The following NDUFAF5 variants were observed in gnomAD, a reference collection of about 807,000 sequenced individuals.
NDUFAF5 encodes NADH:ubiquinone oxidoreductase complex assembly factor 5, also known as arginine-hydroxylase NDUFAF5, mitochondrial.
NDUFAF5 carries 34 observed loss-of-function variants against 48.9 expected under a neutral mutation model. That is an observed-to-expected ratio of 0.70 (90% CI 0.53 to 0.93). The LOEUF (loss-of-function observed/expected upper bound fraction) is 0.93. NDUFAF5 is among the 40% of genes least tolerant of loss of function. The pLI, the probability that NDUFAF5 is intolerant of heterozygous loss-of-function variation, is 0.00. For missense variants in NDUFAF5, 428 were observed against 427.5 expected (o/e 1.00, Z -0.01); for synonymous variants, 153 against 150.6 (o/e 1.02, Z -0.12).
chr20:13,804,246 C>T (rs1291078296), intron 7 of NDUFAF5, among the ~76,000 whole-genome samples: 2 of 152,052 alleles, frequency 1.3e-5, no homozygotes, highest in Non-Finnish European at 2.9e-5. Context: ...TCTAAAATAA[C>T]CCATCGTAGA....
intron 3 of NDUFAF5, among the ~76,000 whole-genome samples, chr20:13,789,254 T>A (rs1480359562): frequency 6.6e-6 from 1 of 151,804 alleles, no homozygotes; most frequent in African/African-American, 2.4e-5. Context: ...AACCTCTGCC[T>A]CCCGGGTTTG....
rs1986758280 is a variant in NDUFAF5 at position 13,818,506 on chromosome 20, C to T, written c.*1296C>T. On this transcript the variant is annotated 3_prime_UTR_variant, in exon 11 of 11. Transcript: ENST00000378106. Reference sequence around the variant, plus strand: ...AGAGAGAACAACAACAAAAAACAAACTGCGCTAGCCAGGTGCAATGGCGCA... The same window carrying T: ...AGAGAGAACAACAACAAAAAACAAATTGCGCTAGCCAGGTGCAATGGCGCA... The T allele has an allele frequency of 3.0e-6, 1 of 335,456 alleles. No individual in the cohort carries two copies. Among genetic ancestry groups the T allele is most frequent in the Non-Finnish European group, 5.7e-6 (1 of 175,176 alleles). 20.8% of individuals were successfully genotyped at this position (335,456 alleles called of 1,614,324 possible). A position where few individuals can be genotyped will look rare whatever the true frequency, so the allele number is the denominator to read the frequency against.
At chr20:13,800,415 G>T (rs1272864377) in intron 6 of NDUFAF5, among the ~76,000 whole-genome samples, 1 of 152,096 alleles carries the variant, frequency 6.6e-6, no homozygotes, top group Non-Finnish European at 1.5e-5. Flanking sequence ...ACTGTGATTT[G>T]GATTCTGGTT....
chr20:13,795,279 G>A lies in NDUFAF5; in HGVS notation c.479+338G>A, dbSNP rs138579723. On this transcript the variant is annotated intron_variant, in intron 5 of 10. Transcript: ENST00000378106. ...AGTTTGAAAGAGCATATTGGCTCCTGTATTCAAATGTTAGAGCAATTCCAA... is the reference window on the plus strand; with the variant it reads ...AGTTTGAAAGAGCATATTGGCTCCTATATTCAAATGTTAGAGCAATTCCAA... Among the ~76,000 whole-genome samples the A allele has an allele frequency of 3.3e-3, 508 of 152,212 alleles. 1 individual carries two copies. Among genetic ancestry groups the A allele is most frequent in the African/African-American group, 0.011 (473 of 41,532 alleles).
rs1986532540 is a variant in NDUFAF5, at chr20:13,816,912, A to G, written c.900A>G (p.Thr300=). The change falls in exon 10 of 11, where the codon ACA becomes ACG. Residue 300 remains threonine (T), a synonymous_variant. Transcript: ENST00000378106. ...YRNEDGSVPA[T]YQIYYMIGWK... is the part of the protein sequence containing the mutation. The stretch of plus-strand genomic sequence containing the variant: ...ATGAAGATGGTTCAGTACCTGCTAC[A>G]TACCAGATCTATTACATGATAGGAT... The G allele has an allele frequency of 1.2e-6, 2 of 1,610,234 alleles. No individual in the cohort carries two copies. The highest frequency in any genetic ancestry group is 1.1e-5 in the South Asian group (1 of 90,980).
intron 8 of NDUFAF5, chr20:13,814,343 T>A: frequency 2.7e-6 from 2 of 737,908 alleles, no homozygotes; most frequent in Non-Finnish European, 4.1e-6. Context: ...GTTTCTGGGA[T>A]TTTACATTTG....
chr20:13,785,541 G>A lies in NDUFAF5; in HGVS notation c.222+251G>A, dbSNP rs143170641. 8.2e-4 allele frequency among the ~76,000 whole-genome samples: 125 copies of A among 152,322 alleles called. 1 individual carries two copies. The highest frequency in any genetic ancestry group is 2.6e-3 in the African/African-American group (107 of 41,574). On this transcript the variant is annotated intron_variant, in intron 1 of 10. Transcript: ENST00000378106. ...AAAGGACCTTATAGAGGCCTCCAGTGAAGCTCCGGAGAGGGAGAGAGTGGG... is the reference window on the plus strand; with the variant it reads ...AAAGGACCTTATAGAGGCCTCCAGTAAAGCTCCGGAGAGGGAGAGAGTGGG...
chr20:13,817,240 A>G lies in NDUFAF5; in HGVS notation c.*30A>G, dbSNP rs759979228. 2 of 1,516,064 alleles carry G rather than the reference A, an allele frequency of 1.3e-6. No individual in the cohort carries two copies. Among genetic ancestry groups the G allele is most frequent in the Admixed American group, 3.3e-5 (2 of 59,874 alleles). 93.9% of individuals were successfully genotyped at this position (1,516,064 alleles called of 1,614,324 possible). A position where few individuals can be genotyped will look rare whatever the true frequency, so the allele number is the denominator to read the frequency against. On this transcript the variant is annotated 3_prime_UTR_variant, in exon 11 of 11. Transcript: ENST00000378106. Reference sequence around the variant, plus strand: ...TTATTCAGTGTTAATGTCGTCCAGAATTTTCATCAGAAATGGATAGCTTTA... The same window carrying G: ...TTATTCAGTGTTAATGTCGTCCAGAGTTTTCATCAGAAATGGATAGCTTTA...
At chr20:13,811,887 A>G (rs372823350) in intron 8 of NDUFAF5, among the ~76,000 whole-genome samples, 1 of 152,226 alleles carries the variant, frequency 6.6e-6, no homozygotes, top group African/African-American at 2.4e-5. Flanking sequence ...TGAATCCAGA[A>G]CTACACTTAC....
chr20:13,817,068 C>A, intron 10 of NDUFAF5, 50 bp from the exon 11 acceptor site: 1 of 1,570,690 alleles, frequency 6.4e-7, no homozygotes, highest in Non-Finnish European at 8.8e-7. Context: ...TTAATTGGGG[C>A]TGTGTATTAT....
intron 8 of NDUFAF5, 77 bp from the exon 9 acceptor site, chr20:13,816,386 A>G (rs909060960): frequency 2.1e-6 from 2 of 950,100 alleles, no homozygotes; most frequent in African/African-American, 3.2e-5. Context: ...GTTAGATGAG[A>G]CGGGATTAAG....
chr20:13,799,073 A>G (rs1353675565), intron 6 of NDUFAF5, among the ~76,000 whole-genome samples: 1 of 152,180 alleles, frequency 6.6e-6, no homozygotes, highest in Non-Finnish European at 1.5e-5. Flanking sequence ...AGGCAGAATC[A>G]CAGGATAGGT....
At chr20:13,811,345 T>C (rs6074643) in intron 8 of NDUFAF5, among the ~76,000 whole-genome samples, 124,220 of 152,194 alleles carry the variant, frequency 0.82, 51,359 homozygotes, top group African/African-American at 0.95. Flanking sequence ...CAAGTGATAA[T>C]GGTCTGGGAC....
At chr20:13,789,756 G>A (rs1018142751) in intron 3 of NDUFAF5, among the ~76,000 whole-genome samples, 11 of 152,310 alleles carry the variant, frequency 7.2e-5, no homozygotes, top group African/African-American at 1.4e-4. Flanking sequence ...GATTACAGGC[G>A]TGAGCCACCA....
intron 3 of NDUFAF5, among the ~76,000 whole-genome samples, chr20:13,791,973 C>T (rs899525174): frequency 4.6e-5 from 7 of 152,230 alleles, no homozygotes; most frequent in Middle Eastern, 3.2e-3. Context: ...AGCTTGACAT[C>T]AGCCCTGGTG....
chr20:13,814,480 A>T, intron 8 of NDUFAF5: 2 of 1,289,156 alleles, frequency 1.6e-6, no homozygotes, highest in Non-Finnish European at 2.0e-6. Context: ...TGATGAATGC[A>T]TGAGAAATTT....
intron 8 of NDUFAF5, among the ~76,000 whole-genome samples, chr20:13,810,221 G>A (rs1356495889): frequency 2.6e-5 from 4 of 152,142 alleles, no homozygotes; most frequent in South Asian, 2.1e-4. Context: ...GTGGGTAGTC[G>A]ACGTCTGAGC....
At position 13,803,799 on chromosome 20, in the gene NDUFAF5, T is replaced by TGG. The variant is rs200809565; in HGVS notation, c.717+2124_717+2125dup. Among the ~76,000 whole-genome samples, 5 of 150,374 alleles carry TGG rather than the reference T, an allele frequency of 3.3e-5. No individual in the cohort carries two copies. The South Asian group carries it at 6.3e-4, about 19-fold the overall frequency. Reference sequence around the variant, plus strand: ...CTATATTTTCTTTTAATTTTTTTTTTGGGGGGGGGACAGTTTCACTCTGCC... The same window carrying TGG: ...CTATATTTTCTTTTAATTTTTTTTTTGGGGGGGGGGGACAGTTTCACTCTGCC... On this transcript the variant is annotated intron_variant, in intron 7 of 10. Transcript: ENST00000378106.
rs1981645298 is a variant in NDUFAF5, at chr20:13,788,662, T to G, written c.327+10T>G. The G allele has an allele frequency of 5.1e-6, 8 of 1,567,094 alleles. No homozygotes were observed. Among genetic ancestry groups the G allele is most frequent in the Non-Finnish European group, 7.0e-6 (8 of 1,137,800 alleles). On this transcript the variant is annotated intron_variant, in intron 3 of 10. Transcript: ENST00000378106. ...ACAATATTTGAATAAGGTATATTTA[T>G]TCAATGACCTAATTTACTTTGAAAA...
Sources: gnomAD v4.1 joint callset for allele counts (sites outside exome capture counted in the v4.1 genomes callset) on GRCh38, gnomAD v4.1.1 for gene constraint, MANE v1.5 for transcripts, NCBI Gene and HGNC (gene_info 2026-07-23, HGNC 2026-07-21) for gene names.